Variants in DCLK1 observed in about 807,000 individuals in gnomAD.
DCLK1 encodes doublecortin like kinase 1, also known as serine/threonine-protein kinase DCLK1.
Under a neutral mutation model 86.2 loss-of-function variants are expected in DCLK1, and 16 were observed. The ratio of observed to expected loss-of-function variants is 0.19; its 90% CI spans 0.13 to 0.28. The LOEUF is 0.28. Among genes scored for constraint, DCLK1 ranks in the 10% least tolerant of loss-of-function variants. DCLK1 has a pLI of 1.00. For synonymous variants in DCLK1, 369 were observed against 370.5 expected (o/e 1.00, Z 0.05); for missense variants, 590 against 940.2 (o/e 0.63, Z 4.87).
chr13:36,082,960 G>C (rs565123118), intron 3 of DCLK1, among the ~76,000 whole-genome samples: 36 of 152,068 alleles, frequency 2.4e-4, no homozygotes, highest in Non-Finnish European at 4.0e-4. Context: ...TCAAAGTTAT[G>C]GTTACAGGGA....
chr13:35,980,584 A>G lies in DCLK1; in HGVS notation c.724-33127T>C, dbSNP rs1405920321. ...TTCTGTCTTTTTAATTTTGAATACT[A>G]TAGATCATGGTCCCCAGCCTTTTTG... On this transcript the variant is annotated intron_variant, in intron 3 of 16. Coordinates refer to ENST00000360631, the MANE Select transcript of DCLK1 (RefSeq NM_001330071.2). Among the ~76,000 whole-genome samples the G allele has an allele frequency of 3.9e-5, 6 of 152,282 alleles. No homozygotes were observed. In the East Asian group the frequency reaches 1.2e-3, roughly 29 times the overall value.
Position 35,828,274 on chromosome 13 carries a change from G to C in DCLK1, c.1263C>G (p.Ile421Met). The change falls in exon 9 of 17, where the codon ATC becomes ATG. Residue 421 changes from isoleucine to methionine, a missense_variant. By Grantham distance (10) the Ile-to-Met change is conservative. This residue lies in a region of DCLK1 where 108 missense variants were observed against 195.7 expected (regional missense o/e 0.55). Transcript: ENST00000360631. ...CTTTGCCTCGACATTTGCTTTTCTT[G>C]ATAATTTTCAGAGCATACTCTCTAG... ...STAREYALKI[I>M]KKSKCRGKEH... The C allele has an allele frequency of 6.2e-7, 1 of 1,610,440 alleles. No homozygotes were observed. The highest frequency in any genetic ancestry group is 1.1e-5 in the South Asian group (1 of 90,954).
chr13:35,769,086 G>A lies in DCLK1; in HGVS notation c.*5449C>T, dbSNP rs2086282264. The A allele has an allele frequency of 6.6e-6, 1 of 152,150 alleles. No homozygotes were observed. Among genetic ancestry groups the A allele is most frequent in the African/African-American group, 2.4e-5 (1 of 41,438 alleles). 9.4% of individuals were successfully genotyped at this position (152,150 alleles called of 1,614,324 possible). A position where few individuals can be genotyped will look rare whatever the true frequency, so the allele number is the denominator to read the frequency against. ...TGATAAATGAACATAATATATCACA[G>A]ATGATTTCATTCCACATTAACCTAC... On this transcript the variant is annotated 3_prime_UTR_variant, in exon 17 of 17. Coordinates refer to ENST00000360631, the MANE Select transcript of DCLK1 (RefSeq NM_001330071.2).
rs560459975 is a variant in DCLK1 at position 35,776,527 on chromosome 13, G to A, written c.2059-1828C>T. Among the ~76,000 whole-genome samples, 30 of 152,254 alleles carry A rather than the reference G, an allele frequency of 2.0e-4. No homozygotes were observed. The South Asian group carries it at 2.7e-3, about 14-fold the overall frequency. Reference sequence around the variant, plus strand: ...TCAGGTTTGTGGTCAGGGATTTTGCGTCCCACTCTGTCCATTGCTGACCAT... The same window carrying A: ...TCAGGTTTGTGGTCAGGGATTTTGCATCCCACTCTGTCCATTGCTGACCAT... On this transcript the variant is annotated intron_variant, in intron 16 of 16. Coordinates refer to ENST00000360631, the MANE Select transcript of DCLK1 (RefSeq NM_001330071.2).
chr13:35,897,729 C>T lies in DCLK1; in HGVS notation c.824-26389G>A, dbSNP rs1593711608. On this transcript the variant is annotated intron_variant, in intron 4 of 16. Coordinates refer to ENST00000360631, the MANE Select transcript of DCLK1 (RefSeq NM_001330071.2). ...CCTTCTCATGTAAGCAAAGCATAAA[C>T]ATTTTAAATCATCCACTTATAAAAA... Among the ~76,000 whole-genome samples, 3 of 152,090 alleles carry T rather than the reference C, an allele frequency of 2.0e-5. No individual in the cohort carries two copies. In the East Asian group the frequency reaches 5.8e-4, roughly 29 times the overall value.
At chr13:36,081,121 A>T (rs1884405985) in intron 3 of DCLK1, among the ~76,000 whole-genome samples, 1 of 152,220 alleles carries the variant, frequency 6.6e-6, no homozygotes, top group African/African-American at 2.4e-5. Flanking sequence ...TTCAATGCAT[A>T]TAAAAATTCA....
At chr13:36,108,683 C>T (rs1240539518) in intron 3 of DCLK1, among the ~76,000 whole-genome samples, 1 of 152,242 alleles carries the variant, frequency 6.6e-6, no homozygotes, top group African/African-American at 2.4e-5. Context: ...ACTCAAAGCA[C>T]TCAAGCAATT....
At chr13:35,791,275 T>TAA (rs768851342) in intron 16 of DCLK1, among the ~76,000 whole-genome samples, 1 of 140,944 alleles carries the variant, frequency 7.1e-6, no homozygotes. Context: ...TGATAATTAT[T>TAA]AAAAAAAAAA....
intron 4 of DCLK1, among the ~76,000 whole-genome samples, chr13:35,926,997 G>A (rs1876160553): frequency 6.6e-6 from 1 of 152,326 alleles, no homozygotes; most frequent in South Asian, 2.1e-4. Flanking sequence ...GCTTTTGGAA[G>A]TCAGATGCTT....
chr13:35,920,566 G>A (rs1256083372), intron 4 of DCLK1, among the ~76,000 whole-genome samples: 3 of 152,184 alleles, frequency 2.0e-5, no homozygotes, highest in Admixed American at 6.5e-5. Flanking sequence ...GGGGGTTGTG[G>A]AGGAAACCAA....
chr13:35,935,398 T>G (rs1037272124), intron 4 of DCLK1, among the ~76,000 whole-genome samples: 1 of 151,996 alleles, frequency 6.6e-6, no homozygotes, highest in Non-Finnish European at 1.5e-5. Flanking sequence ...TGAGTCTAAA[T>G]GGGAGATGAT....
intron 3 of DCLK1, among the ~76,000 whole-genome samples, chr13:35,971,401 G>C (rs1455567922): frequency 1.3e-5 from 2 of 152,170 alleles, no homozygotes; most frequent in Non-Finnish European, 2.9e-5. Flanking sequence ...CTAAGACTTA[G>C]AGCTTGATGA....
chr13:35,911,819 C>G (rs1013528149), intron 4 of DCLK1, among the ~76,000 whole-genome samples: 1 of 152,126 alleles, frequency 6.6e-6, no homozygotes, highest in Non-Finnish European at 1.5e-5. Flanking sequence ...ATCCAGAGAG[C>G]TGATTGGATA....
chr13:36,074,781 G>C (rs778928119), intron 3 of DCLK1, among the ~76,000 whole-genome samples: 2 of 152,196 alleles, frequency 1.3e-5, no homozygotes, highest in Non-Finnish European at 2.9e-5. Flanking sequence ...GAGTCCCACT[G>C]CCTGTTACTG....
At chr13:35,850,744 C>T (rs759043311) in intron 6 of DCLK1, 12 of 1,603,410 alleles carry the variant, frequency 7.5e-6, no homozygotes, top group South Asian at 1.1e-5. Flanking sequence ...CTACTGAATC[C>T]AAGTCATCCG....
At chr13:35,845,848 A>G in intron 6 of DCLK1, 1 of 889,114 alleles carries the variant, frequency 1.1e-6, no homozygotes, top group South Asian at 5.2e-5. Flanking sequence ...GGTCATTTCA[A>G]TTTCAGTGTC....
At chr13:36,006,840 T>A (rs1401443067) in intron 3 of DCLK1, among the ~76,000 whole-genome samples, 1 of 152,186 alleles carries the variant, frequency 6.6e-6, no homozygotes, top group African/African-American at 2.4e-5. Flanking sequence ...AGTTTCCCCA[T>A]CTGTAAGGTG....
At position 35,810,916 on chromosome 13, in the gene DCLK1, A is replaced by G. The variant is rs2087128306; in HGVS notation, c.1607T>C (p.Leu536Pro). Residue 536 changes from leucine (L) to proline (P), a missense_variant, in exon 12 of 17, where the codon CTG (leucine) becomes CCG (proline). Physicochemically the swap from Leu to Pro is moderately conservative, Grantham distance 98 (BLOSUM62 -3). Transcript: ENST00000360631. The part of the protein sequence containing the change: ...SKSLKLGDFG[L>P]ATIVDGPLYT... ...CAGGGGGCCGTCTACAATGGTGGCCAGTCCAAAGTCACCCAGCTTCAGTGA... is the reference window on the plus strand; with the variant it reads ...CAGGGGGCCGTCTACAATGGTGGCCGGTCCAAAGTCACCCAGCTTCAGTGA... 1 of 1,613,994 alleles carries G rather than the reference A, an allele frequency of 6.2e-7. No homozygotes were observed.
In DCLK1 at chr13:35,839,017, A is replaced by G. The variant is rs149484682; in HGVS notation, c.1120+75T>C. Reference sequence around the variant, plus strand: ...CCTTGTCCATGTCATTCCGCTTGAGAAGCCACAGTTTCTTGGAGTAAATTT... The same window carrying G: ...CCTTGTCCATGTCATTCCGCTTGAGGAGCCACAGTTTCTTGGAGTAAATTT... On this transcript the variant is annotated intron_variant, in intron 7 of 16. Transcript: ENST00000360631. The G allele has an allele frequency of 1.5e-4, 212 of 1,373,274 alleles. No homozygotes were observed. In the East Asian group the frequency reaches 4.3e-3, roughly 28 times the overall value. 85.1% of individuals were successfully genotyped at this position (1,373,274 alleles called of 1,614,324 possible). A position where few individuals can be genotyped will look rare whatever the true frequency, so the allele number is the denominator to read the frequency against.
Sources: allele counts gnomAD v4.1 joint callset (sites outside exome capture counted in the v4.1 genomes callset), GRCh38; gene constraint gnomAD v4.1.1; regional missense constraint gnomAD v4.1.1; transcripts MANE v1.5; gene names NCBI Gene and HGNC (gene_info 2026-07-23, HGNC 2026-07-21).